GABRR2: variants seen among roughly 807,000 people sequenced by gnomAD.
GABRR2 encodes the protein gamma-aminobutyric acid receptor subunit rho-2.
In GABRR2, 36 loss-of-function variants were observed where a neutral mutation model predicts 47.0. The ratio of observed to expected loss-of-function variants is 0.77; its 90% CI spans 0.59 to 1.01. The LOEUF is 1.01. GABRR2 is among the 50% of genes least tolerant of loss of function. The pLI, the probability that GABRR2 is intolerant of heterozygous loss-of-function variation, is 0.00. For missense variants in GABRR2, 587 were observed against 594.6 expected (o/e 0.99, Z 0.13); for synonymous variants, 204 against 227.5 (o/e 0.90, Z 0.93).
At position 89,257,473 on chromosome 6, in the gene GABRR2, T is replaced by C. The variant is rs970888303; in HGVS notation, c.*197A>G. The C allele has an allele frequency of 1.4e-5, 8 of 586,258 alleles. No individual in the cohort carries two copies. Among genetic ancestry groups the C allele is most frequent in the Non-Finnish European group, 2.4e-5 (8 of 330,922 alleles). The allele number at this position is 586,258 out of a possible 1,614,324, so 36.3% of individuals were successfully genotyped here. A position where few individuals can be genotyped will look rare whatever the true frequency, so the allele number is the denominator to read the frequency against. Reference sequence around the variant, plus strand: ...AGTGTGACGCGAGACAGCATGAACATGGAGCAGCCCCACGGGGTCTGGGGT... The same window carrying C: ...AGTGTGACGCGAGACAGCATGAACACGGAGCAGCCCCACGGGGTCTGGGGT... On this transcript the variant is annotated 3_prime_UTR_variant, in exon 9 of 9. Coordinates refer to ENST00000402938, the MANE Select transcript of GABRR2 (RefSeq NM_002043.5).
rs1174941466 is a variant in GABRR2, at chr6:89,256,983, A to C, written c.*687T>G. On this transcript the variant is annotated 3_prime_UTR_variant, in exon 9 of 9. Coordinates refer to ENST00000402938, the MANE Select transcript of GABRR2 (RefSeq NM_002043.5). Reference sequence around the variant, plus strand: ...GAAGGAGGGGAAAGAGCAGAAGTACATCATGCCATATGTAGAATGAGCACA... The same window carrying C: ...GAAGGAGGGGAAAGAGCAGAAGTACCTCATGCCATATGTAGAATGAGCACA... Among the ~76,000 whole-genome samples the C allele has an allele frequency of 6.6e-6, 1 of 152,226 alleles. No homozygotes were observed. Among genetic ancestry groups the C allele is most frequent in the Non-Finnish European group, 1.5e-5 (1 of 68,042 alleles).
intron 6 of GABRR2, among the ~76,000 whole-genome samples, chr6:89,266,610 AGTTGAGCTTG>A (rs1195953704): frequency 6.6e-6 from 1 of 152,240 alleles, no homozygotes; most frequent in Non-Finnish European, 1.5e-5. Context: ...AGCTAGAGTC[AGTTGAGCTTG>A]GTTCAACCCA....
intron 5 of GABRR2, 67 bp downstream of exon 5, chr6:89,267,947 G>T (rs1028480238): frequency 6.3e-7 from 1 of 1,578,962 alleles, no homozygotes; most frequent in Non-Finnish European, 8.7e-7. Flanking sequence ...TCAGTCTCAT[G>T]ATTACTAAAA....
At chr6:89,265,870 A>G in intron 6 of GABRR2, 105 bp from the exon 7 acceptor site, 2 of 1,152,560 alleles carry the variant, frequency 1.7e-6, no homozygotes, top group African/African-American at 1.5e-5. Context: ...TCAGCAACAG[A>G]AAGTTGAAAT....
intron 8 of GABRR2, among the ~76,000 whole-genome samples, chr6:89,262,046 A>T (rs1286112392): frequency 6.9e-6 from 1 of 144,472 alleles, no homozygotes; most frequent in Non-Finnish European, 1.5e-5. Context: ...AAAAAAAAAA[A>T]TTTGCAGCTC....
At chr6:89,260,514 G>C (rs1229558213) in intron 8 of GABRR2, among the ~76,000 whole-genome samples, 1 of 152,314 alleles carries the variant, frequency 6.6e-6, no homozygotes, top group Middle Eastern at 3.4e-3. Context: ...GCTGAGGGGA[G>C]GTAAGCCCTG....
At chr6:89,268,659 G>C (rs4079961) in intron 4 of GABRR2, among the ~76,000 whole-genome samples, 1 of 138,454 alleles carries the variant, frequency 7.2e-6, no homozygotes, top group Non-Finnish European at 1.6e-5. Flanking sequence ...TGGGGGACGG[G>C]GGGGGGCTTT....
intron 2 of GABRR2, among the ~76,000 whole-genome samples, chr6:89,294,776 G>A (rs1221920999): frequency 1.4e-5 from 2 of 146,142 alleles, no homozygotes; most frequent in African/African-American, 2.5e-5. Flanking sequence ...ATCTCCTAAT[G>A]CTATCCCTCC....
At chr6:89,291,579 C>T (rs915224250) in intron 2 of GABRR2, among the ~76,000 whole-genome samples, 3 of 152,052 alleles carry the variant, frequency 2.0e-5, no homozygotes, top group African/African-American at 4.8e-5. Context: ...GCCTTTTCCT[C>T]ACCGCTGGTG....
intron 8 of GABRR2, among the ~76,000 whole-genome samples, chr6:89,263,061 G>C (rs1303534295): frequency 6.6e-6 from 1 of 152,126 alleles, no homozygotes; most frequent in Non-Finnish European, 1.5e-5. Context: ...GTTGACCCTT[G>C]AACAACACAG....
intron 2 of GABRR2, among the ~76,000 whole-genome samples, chr6:89,297,199 G>GATTATTATTA: frequency 6.6e-6 from 1 of 152,156 alleles, no homozygotes; most frequent in Non-Finnish European, 1.5e-5. Context: ...TTGGTTTAAT[G>GATTATTATTA]ATGAACATAT....
rs1773578745 is a variant in GABRR2, at chr6:89,255,211, C to T, written c.*2459G>A. Among the ~76,000 whole-genome samples the T allele has an allele frequency of 1.3e-5, 2 of 152,034 alleles. No homozygotes were observed. Among genetic ancestry groups the T allele is most frequent in the African/African-American group, 2.4e-5 (1 of 41,394 alleles). ...CAGCACTTTGGGAGGCTGAGGCAGG[C>T]GGATCACCTGAGGTCAGGAGTTCAA... On this transcript the variant is annotated 3_prime_UTR_variant, in exon 9 of 9. Transcript: ENST00000402938.
chr6:89,290,783 T>G (rs973930721), intron 2 of GABRR2, among the ~76,000 whole-genome samples: 5 of 152,210 alleles, frequency 3.3e-5, no homozygotes, highest in Non-Finnish European at 5.9e-5. Context: ...GCATCGCTCT[T>G]GGCCCAGCTA....
At chr6:89,286,495 TATCAAGGC>T (rs1248314297) in intron 2 of GABRR2, among the ~76,000 whole-genome samples, 1 of 152,140 alleles carries the variant, frequency 6.6e-6, no homozygotes, top group Non-Finnish European at 1.5e-5. Context: ...TACATATGCA[TATCAAGGC>T]ATCAAGTTGT....
At chr6:89,287,821 T>C (rs959938458) in intron 2 of GABRR2, among the ~76,000 whole-genome samples, 1 of 152,244 alleles carries the variant, frequency 6.6e-6, no homozygotes, top group African/African-American at 2.4e-5. Flanking sequence ...AAATATTGTT[T>C]ACTGAGCACT....
chr6:89,305,328 AAAAAAG>A (rs1562391077), intron 1 of GABRR2, among the ~76,000 whole-genome samples: 3 of 152,156 alleles, frequency 2.0e-5, no homozygotes, highest in African/African-American at 7.2e-5. Context: ...GCTCTCCAGA[AAAAAAG>A]AAAAAGAAAA....
At chr6:89,312,514 G>A (rs1438509751) in intron 1 of GABRR2, among the ~76,000 whole-genome samples, 1 of 152,184 alleles carries the variant, frequency 6.6e-6, no homozygotes, top group Non-Finnish European at 1.5e-5. Flanking sequence ...TGTGGCATGC[G>A]GTATGTGTGT....
chr6:89,285,574 G>C (rs1045727461), intron 2 of GABRR2, among the ~76,000 whole-genome samples: 1 of 151,946 alleles, frequency 6.6e-6, no homozygotes, highest in Non-Finnish European at 1.5e-5. Flanking sequence ...CAAATTCTTC[G>C]GCCGCTCCTC....
intron 2 of GABRR2, among the ~76,000 whole-genome samples, chr6:89,272,568 G>A (rs3777527): frequency 0.65 from 99,505 of 152,146 alleles, 33,015 homozygotes; most frequent in African/African-American, 0.78. Context: ...GGAAAAACCA[G>A]CAACCTGCAT....
Sources: gnomAD v4.1 joint callset for allele counts (sites outside exome capture counted in the v4.1 genomes callset) on GRCh38, gnomAD v4.1.1 for gene constraint, MANE v1.5 for transcripts, NCBI Gene and HGNC (gene_info 2026-07-23, HGNC 2026-07-21) for gene names.